Variants in ANKRD13C observed in about 807,000 individuals in gnomAD.
ANKRD13C encodes ankyrin repeat domain 13C, also known as ankyrin repeat domain-containing protein 13C.
A neutral mutation model predicts 65.5 loss-of-function variants in ANKRD13C; 16 were observed. The observed-to-expected ratio is 0.24, with a 90% confidence interval of 0.17 to 0.37. ANKRD13C has a LOEUF of 0.37. Ranked by LOEUF, ANKRD13C falls within the 10% of genes least tolerant of loss-of-function variation. The pLI is 1.00. For synonymous variants in ANKRD13C, 235 were observed against 238.7 expected (o/e 0.98, Z 0.14); for missense variants, 503 against 655.9 (o/e 0.77, Z 2.55).
Position 70,354,631 on chromosome 1 carries a change from G to T in ANKRD13C, c.-223C>A. 1 of 1,106,570 alleles carries T rather than the reference G, an allele frequency of 9.0e-7. No homozygotes were observed. The highest frequency in any genetic ancestry group is 1.7e-5 in the South Asian group (1 of 59,576). The allele number at this position is 1,106,570 out of a possible 1,614,324, so 68.5% of individuals were successfully genotyped here. ...CTCGCTGGGGGAAGCTAGAACTCAG[G>T]TGCCCACGACACCAGGATCTCAGTC... On this transcript the variant is annotated 5_prime_UTR_variant, in exon 1 of 13. Transcript: ENST00000370944.
intron 12 of ANKRD13C, among the ~76,000 whole-genome samples, chr1:70,268,304 G>T (rs1286087917): frequency 1.3e-5 from 2 of 151,954 alleles, no homozygotes; most frequent in African/African-American, 4.8e-5. Context: ...TGAGTAGCTG[G>T]GATTACAGGT....
At chr1:70,291,568 A>C (rs1378380424) in intron 9 of ANKRD13C, among the ~76,000 whole-genome samples, 1 of 152,304 alleles carries the variant, frequency 6.6e-6, no homozygotes, top group Non-Finnish European at 1.5e-5. Context: ...CATATGCTAA[A>C]CAAGAAACAT....
chr1:70,336,064 T>C lies in ANKRD13C; in HGVS notation c.466A>G (p.Asn156Asp). ...AAAGAAAATATTTACTAACCTTTAT[T>C]TCCTAACATCACAGCAAGGTGTAAA... The part of the protein sequence containing the change: ...TPLHLAVMLG[N>D]KECAHLLLAH... Residue 156 changes from asparagine (N) to aspartate (D), a missense_variant, in exon 2 of 13, where the codon AAT becomes GAT. By Grantham distance (23) the Asn-to-Asp change is conservative. Around this residue, in one of 2 missense-constraint regions of ANKRD13C, gnomAD observed 300 missense variants for 478.3 expected, o/e 0.63. Transcript: ENST00000370944. The C allele has an allele frequency of 1.2e-6, 1 of 821,826 alleles. No homozygotes were observed. The highest frequency in any genetic ancestry group is 1.7e-6 in the Non-Finnish European group (1 of 587,788). 50.9% of individuals were successfully genotyped at this position (821,826 alleles called of 1,614,324 possible). A position where few individuals can be genotyped will look rare whatever the true frequency, so the allele number is the denominator to read the frequency against.
intron 1 of ANKRD13C, among the ~76,000 whole-genome samples, chr1:70,351,422 C>T (rs753547127): frequency 2.6e-5 from 4 of 152,026 alleles, no homozygotes; most frequent in South Asian, 2.1e-4. Flanking sequence ...TTTATTGAGA[C>T]GGAGTCTCAC....
intron 3 of ANKRD13C, among the ~76,000 whole-genome samples, chr1:70,318,679 G>GTTTTTTTTTT (rs11337993): frequency 1.1e-5 from 1 of 94,230 alleles, no homozygotes; most frequent in Non-Finnish European, 2.0e-5. Context: ...ATCAATCTTT[G>GTTTTTTTTTT]TTTTTTTTTT....
intron 9 of ANKRD13C, among the ~76,000 whole-genome samples, chr1:70,288,967 T>C (rs936888031): frequency 6.6e-6 from 1 of 152,222 alleles, no homozygotes; most frequent in African/African-American, 2.4e-5. Flanking sequence ...AATAAAAAGC[T>C]TAATTTAAAA....
Position 70,296,279 on chromosome 1 carries a change from G to A in ANKRD13C, c.922-18C>T. 1 of 1,599,886 alleles carries A rather than the reference G, an allele frequency of 6.3e-7. No individual in the cohort carries two copies. The highest frequency in any genetic ancestry group is 1.1e-5 in the South Asian group (1 of 87,652). On this transcript the variant is annotated intron_variant, in intron 7 of 12. Transcript: ENST00000370944. ...TCTGATTCCTGGGATGTGAGCAAAA[G>A]TTAAATATAAAAATCTAGGTTTTTC...
intron 9 of ANKRD13C, among the ~76,000 whole-genome samples, 157 bp from the exon 10 acceptor site, chr1:70,277,001 A>G (rs1679169229): frequency 6.6e-6 from 1 of 152,186 alleles, no homozygotes; most frequent in Non-Finnish European, 1.5e-5. Context: ...AGATCGTTCC[A>G]TGGTGGTTTA....
chr1:70,285,187 C>CTTTTTTT (rs60703728), intron 9 of ANKRD13C, among the ~76,000 whole-genome samples: 20 of 105,230 alleles, frequency 1.9e-4, no homozygotes, highest in African/African-American at 3.8e-4. Flanking sequence ...TTTATAATGT[C>CTTTTTTT]TTTTTTTTTT....
rs534310001 is a variant in ANKRD13C at position 70,260,561 on chromosome 1, G to A, written c.*2156C>T. The A allele has an allele frequency of 3.3e-5, 5 of 152,088 alleles. No homozygotes were observed. Among genetic ancestry groups the A allele is most frequent in the African/African-American group, 9.6e-5 (4 of 41,504 alleles). 9.4% of individuals were successfully genotyped at this position (152,088 alleles called of 1,614,324 possible). A position where few individuals can be genotyped will look rare whatever the true frequency, so the allele number is the denominator to read the frequency against. On this transcript the variant is annotated 3_prime_UTR_variant, in exon 13 of 13. Coordinates refer to ENST00000370944, the MANE Select transcript of ANKRD13C (RefSeq NM_030816.5). ...CTGCATATAGCTTCATTCATTAACT[G>A]GATTAAAAGGCACATTTCGAAAAAT... is the stretch of plus-strand genomic sequence containing the variant.
chr1:70,300,692 C>G, intron 7 of ANKRD13C, 72 bp downstream of exon 7: 1 of 1,375,678 alleles, frequency 7.3e-7, no homozygotes, highest in Non-Finnish European at 9.6e-7. Context: ...GCAAATTATA[C>G]TGAGGTTTTG....
chr1:70,342,774 A>C (rs1682372356), intron 1 of ANKRD13C, among the ~76,000 whole-genome samples: 1 of 151,470 alleles, frequency 6.6e-6, no homozygotes. Context: ...ACACACACAA[A>C]ATAACACTTG....
Position 70,270,854 on chromosome 1 carries a change from A to T in ANKRD13C, c.1495+2T>A. 1 of 1,587,066 alleles carries T rather than the reference A, an allele frequency of 6.3e-7. No homozygotes were observed. The highest frequency in any genetic ancestry group is 8.6e-7 in the Non-Finnish European group (1 of 1,159,612). On this transcript the variant is annotated splice_donor_variant, in intron 12 of 12. Transcript: ENST00000370944. LOFTEE classifies it high-confidence loss of function. Reference sequence around the variant, plus strand: ...AAAATTATATCTAATTTTTTCTCTTACCTAATTTTACAGGAAAGCCTGGAG... The same window carrying T: ...AAAATTATATCTAATTTTTTCTCTTTCCTAATTTTACAGGAAAGCCTGGAG...
At chr1:70,344,450 CGAGACCCT>C (rs1156596839) in intron 1 of ANKRD13C, among the ~76,000 whole-genome samples, 5 of 149,272 alleles carry the variant, frequency 3.3e-5, no homozygotes, top group African/African-American at 7.5e-5. Flanking sequence ...GATGACAAAG[CGAGACCCT>C]ATCTCAAAAA....
intron 3 of ANKRD13C, among the ~76,000 whole-genome samples, chr1:70,317,126 G>C (rs1451358797): frequency 6.6e-6 from 1 of 151,862 alleles, no homozygotes; most frequent in African/African-American, 2.4e-5. Context: ...AAAAATAGTA[G>C]GAGCTATTCT....
intron 1 of ANKRD13C, among the ~76,000 whole-genome samples, chr1:70,338,719 A>G (rs1682168763): frequency 6.6e-6 from 1 of 152,062 alleles, no homozygotes; most frequent in African/African-American, 2.4e-5. Context: ...AATTTTAAAC[A>G]CAGTTATACA....
chr1:70,333,966 G>GA (rs985956915), intron 2 of ANKRD13C, among the ~76,000 whole-genome samples: 2 of 151,522 alleles, frequency 1.3e-5, no homozygotes, highest in African/African-American at 4.9e-5. Context: ...TTGTTAAGAA[G>GA]AAAAAAAAGC....
intron 5 of ANKRD13C, among the ~76,000 whole-genome samples, chr1:70,311,504 A>G (rs993133881): frequency 1.3e-5 from 2 of 152,146 alleles, no homozygotes; most frequent in African/African-American, 4.8e-5. Flanking sequence ...GTCAACTTGC[A>G]TAATGATATA....
chr1:70,312,335 G>A (rs911410502), intron 5 of ANKRD13C, among the ~76,000 whole-genome samples: 4 of 151,048 alleles, frequency 2.6e-5, no homozygotes, highest in Non-Finnish European at 5.9e-5. Flanking sequence ...ACCTCCCATA[G>A]ACTAGGCCTA....
Sources: gnomAD v4.1 joint callset for allele counts (sites outside exome capture counted in the v4.1 genomes callset) on GRCh38, gnomAD v4.1.1 for gene constraint, gnomAD v4.1.1 regional missense constraint, MANE v1.5 for transcripts, NCBI Gene and HGNC (gene_info 2026-07-23, HGNC 2026-07-21) for gene names.